Variants in PLEKHA6 observed in about 807,000 individuals in gnomAD.
The protein encoded by PLEKHA6 is pleckstrin homology domain-containing family A member 6.
Under a neutral mutation model 116.7 loss-of-function variants are expected in PLEKHA6, and 60 were observed. The ratio of observed to expected loss-of-function variants is 0.51; its 90% CI spans 0.42 to 0.64. The LOEUF (loss-of-function observed/expected upper bound fraction) is 0.64. Among genes scored for constraint, PLEKHA6 ranks in the 30% least tolerant of loss-of-function variants. The pLI is 0.00. For missense variants in PLEKHA6, 1,338 were observed against 1,422.7 expected (o/e 0.94, Z 0.96); for synonymous variants, 489 against 556.1 (o/e 0.88, Z 1.70).
chr1:204,255,579 C>A, intron 9 of PLEKHA6: 2 of 700,152 alleles, frequency 2.9e-6, no homozygotes, highest in Non-Finnish European at 5.2e-6. Context: ...TGGAGAGATG[C>A]GACAGGAAGG....
At chr1:204,329,881 C>G (rs1365621288) in intron 1 of PLEKHA6, among the ~76,000 whole-genome samples, 3 of 142,590 alleles carry the variant, frequency 2.1e-5, no homozygotes, top group Non-Finnish European at 4.6e-5. Context: ...AAAGTGAGAC[C>G]CTGTCTCAAA....
At chr1:204,245,549 G>A in intron 14 of PLEKHA6, 66 bp downstream of exon 14, 2 of 931,170 alleles carry the variant, frequency 2.1e-6, no homozygotes, top group Non-Finnish European at 3.5e-6. Context: ...TGGGATGGAG[G>A]TCAGAAATAC....
At chr1:204,346,715 T>C in intron 1 of PLEKHA6, 1 of 762,894 alleles carries the variant, frequency 1.3e-6, no homozygotes, top group Non-Finnish European at 2.3e-6. Context: ...GGGATGTTCC[T>C]TGCTGAGAAA....
chr1:204,268,578 CTTTTT>C (rs68190806), intron 3 of PLEKHA6, among the ~76,000 whole-genome samples: 1 of 136,642 alleles, frequency 7.3e-6, no homozygotes, highest in Admixed American at 7.3e-5. Flanking sequence ...GTCTCACAGC[CTTTTT>C]TTTTTTTTTT....
In PLEKHA6 at chr1:204,303,006, C is replaced by A. The variant is rs533661521; in HGVS notation, c.-94-28197G>T. Among the ~76,000 whole-genome samples the A allele has an allele frequency of 9.2e-5, 14 of 152,324 alleles. No homozygotes were observed. The South Asian group carries it at 2.9e-3, about 32-fold the overall frequency. Reference sequence around the variant, plus strand: ...CCTGAAGAAGCTCCTCAAGTGGCAGCTATCTTTAATTTACACTTCTTGGAT... The same window carrying A: ...CCTGAAGAAGCTCCTCAAGTGGCAGATATCTTTAATTTACACTTCTTGGAT... On this transcript the variant is annotated intron_variant, in intron 1 of 22. Transcript: ENST00000272203.
At chr1:204,230,679 G>A (rs779996083) in intron 17 of PLEKHA6, 93 bp from the exon 18 acceptor site, 11 of 1,143,842 alleles carry the variant, frequency 9.6e-6, no homozygotes, top group Non-Finnish European at 1.2e-5. Context: ...TCTACGGGAA[G>A]TCTGCCTGTA....
At chr1:204,358,469 C>T (rs1231914130) in intron 1 of PLEKHA6, among the ~76,000 whole-genome samples, 1 of 152,190 alleles carries the variant, frequency 6.6e-6, no homozygotes, top group South Asian at 2.1e-4. Context: ...TCCAGGGTGG[C>T]CTGGAAAACA....
intron 1 of PLEKHA6, among the ~76,000 whole-genome samples, chr1:204,290,436 A>G (rs745591626): frequency 5.9e-5 from 9 of 152,248 alleles, no homozygotes; most frequent in Non-Finnish European, 1.3e-4. Context: ...GGAGAATGAC[A>G]GGCTTTTCAA....
At chr1:204,348,976 G>A (rs1287168127) in intron 1 of PLEKHA6, among the ~76,000 whole-genome samples, 2 of 152,154 alleles carry the variant, frequency 1.3e-5, no homozygotes, top group Non-Finnish European at 2.9e-5. Flanking sequence ...CAGCTTGTCG[G>A]GAGGGGTTAG....
chr1:204,224,474 T>G (rs955966925), intron 21 of PLEKHA6, among the ~76,000 whole-genome samples: 5 of 151,136 alleles, frequency 3.3e-5, no homozygotes, highest in Admixed American at 1.3e-4. Context: ...GGACCCAAAA[T>G]TGAACTTCCC....
chr1:204,350,483 C>T (rs964311161), intron 1 of PLEKHA6, among the ~76,000 whole-genome samples: 9 of 152,206 alleles, frequency 5.9e-5, no homozygotes, highest in Admixed American at 2.0e-4. Context: ...CCATCCCCTC[C>T]GCAGGGCTGG....
At chr1:204,233,322 T>C (rs931146208) in intron 17 of PLEKHA6, among the ~76,000 whole-genome samples, 3 of 149,660 alleles carry the variant, frequency 2.0e-5, no homozygotes. Flanking sequence ...GATATAGGTA[T>C]GCACCACCAC....
At chr1:204,280,481 C>A (rs1002579580) in intron 1 of PLEKHA6, 2 of 984,246 alleles carry the variant, frequency 2.0e-6, no homozygotes, top group Non-Finnish European at 2.4e-6. Context: ...CAAGCTGCTT[C>A]ATTTCCATAG....
At chr1:204,351,392 C>T (rs915744679) in intron 1 of PLEKHA6, among the ~76,000 whole-genome samples, 1 of 152,196 alleles carries the variant, frequency 6.6e-6, no homozygotes, top group African/African-American at 2.4e-5. Flanking sequence ...CCGGTCGCCT[C>T]ACCTCCAGGA....
Position 204,230,594 on chromosome 1 carries a change from C to T in PLEKHA6, c.2410-8G>A. 1 of 1,593,858 alleles carries T rather than the reference C, an allele frequency of 6.3e-7. No individual in the cohort carries two copies. The highest frequency in any genetic ancestry group is 8.5e-7 in the Non-Finnish European group (1 of 1,170,028). On this transcript the variant is annotated splice_region_variant and splice_polypyrimidine_tract_variant and intron_variant, in intron 17 of 22. Coordinates refer to ENST00000272203, the MANE Select transcript of PLEKHA6 (RefSeq NM_014935.5). ...AGCACTCTTGGGGCGTTCCTGCTGC[C>T]ATGGGAAAACAGGGCTCTGACAAGT...
At chr1:204,359,129 C>T (rs2103387834) in intron 1 of PLEKHA6, among the ~76,000 whole-genome samples, 1 of 152,206 alleles carries the variant, frequency 6.6e-6, no homozygotes, top group Admixed American at 6.5e-5. Flanking sequence ...AAGAGCTCCC[C>T]ACTAAATCTG....
intron 8 of PLEKHA6, among the ~76,000 whole-genome samples, chr1:204,258,544 C>T (rs780572911): frequency 1.3e-5 from 2 of 152,214 alleles, no homozygotes; most frequent in East Asian, 3.9e-4. Context: ...ACCAGCAATG[C>T]GCAGCCGCTC....
intron 1 of PLEKHA6, among the ~76,000 whole-genome samples, chr1:204,323,916 A>C (rs1672152493): frequency 6.6e-6 from 1 of 152,194 alleles, no homozygotes; most frequent in Non-Finnish European, 1.5e-5. Context: ...GGACTTGGAA[A>C]GGACCTGGGC....
intron 5 of PLEKHA6, among the ~76,000 whole-genome samples, 185 bp from the exon 6 acceptor site, chr1:204,265,227 G>C (rs992547194): frequency 6.6e-6 from 1 of 152,214 alleles, no homozygotes; most frequent in Non-Finnish European, 1.5e-5. Flanking sequence ...CCTGGAGTTA[G>C]GGAGTGTGGT....
Sources: allele counts gnomAD v4.1 joint callset (sites outside exome capture counted in the v4.1 genomes callset), GRCh38; gene constraint gnomAD v4.1.1; transcripts MANE v1.5; gene names NCBI Gene and HGNC (gene_info 2026-07-23, HGNC 2026-07-21).